Variants in ANKRD11 observed in about 807,000 individuals in gnomAD.
ANKRD11 encodes the protein ankyrin repeat domain-containing protein 11.
Under a neutral mutation model 195.7 loss-of-function variants are expected in ANKRD11, and 17 were observed. The observed-to-expected ratio is 0.09, with a 90% CI of 0.06 to 0.13. The LOEUF (loss-of-function observed/expected upper bound fraction) is 0.13, where lower values mean the gene tolerates loss of function less well. Ranked by LOEUF, ANKRD11 falls within the 10% of genes least tolerant of loss-of-function variation. The pLI, the probability that ANKRD11 is intolerant of heterozygous loss-of-function variation, is 1.00. For synonymous variants in ANKRD11, 1,953 were observed against 1,528.1 expected (o/e 1.28, Z -6.49); for missense variants, 3,735 against 3,566.1 (o/e 1.05, Z -1.21).
chr16:89,281,918 T>C lies in ANKRD11; in HGVS notation c.4624A>G (p.Lys1542Glu). The change falls in exon 9 of 13, where the codon AAG becomes GAG. Residue 1542 changes from lysine to glutamate, a missense_variant. Lys to Glu is a moderately conservative substitution (Grantham distance 56). Coordinates refer to ENST00000301030, the MANE Select transcript of ANKRD11 (RefSeq NM_013275.6). The surrounding 1 kb of genome is among the most constrained non-coding windows in gnomAD (Gnocchi z 5.5). ...TTGCTCATCTTCACTGGGTCGCCCT[T>C]TTCTTTCTCTGCACCGTCCTTGAAT... Reference protein sequence around the residue: ...EKFKDGAEKEKGDPVKMSNGN... With the variant: ...EKFKDGAEKEEGDPVKMSNGN... 1 of 1,613,374 alleles carries C rather than the reference T, an allele frequency of 6.2e-7. No individual in the cohort carries two copies. The highest frequency in any genetic ancestry group is 8.5e-7 in the Non-Finnish European group (1 of 1,180,038).
At chr16:89,488,710 A>C (rs943930897) in intron 1 of ANKRD11, among the ~76,000 whole-genome samples, 14 of 152,182 alleles carry the variant, frequency 9.2e-5, no homozygotes, top group African/African-American at 3.4e-4. Context: ...GCTAAGTCTC[A>C]ACATCCCAAA....
chr16:89,308,319 A>G (rs1384000801), intron 3 of ANKRD11, among the ~76,000 whole-genome samples: 1 of 152,246 alleles, frequency 6.6e-6, no homozygotes. Flanking sequence ...ACAGCTACAG[A>G]AAAGGCCTGG....
intron 1 of ANKRD11, among the ~76,000 whole-genome samples, chr16:89,435,052 G>T (rs764872129): frequency 1.3e-5 from 2 of 152,166 alleles, no homozygotes; most frequent in Non-Finnish European, 2.9e-5. Flanking sequence ...CTTCTGGGTC[G>T]GGTGGGGACT....
At chr16:89,335,271 G>A (rs531871078) in intron 2 of ANKRD11, among the ~76,000 whole-genome samples, 3 of 152,278 alleles carry the variant, frequency 2.0e-5, no homozygotes, top group South Asian at 4.1e-4. Flanking sequence ...GTTCCCAGAA[G>A]AGGCCAGTGC....
intron 2 of ANKRD11, among the ~76,000 whole-genome samples, chr16:89,379,574 G>A (rs1193144097): frequency 1.3e-5 from 2 of 152,200 alleles, no homozygotes; most frequent in Non-Finnish European, 2.9e-5. Context: ...AACCTCCTGG[G>A]CTCAAGTGAC....
intron 11 of ANKRD11, among the ~76,000 whole-genome samples, chr16:89,273,975 G>C (rs1022125625): frequency 6.6e-6 from 1 of 152,196 alleles, no homozygotes; most frequent in Non-Finnish European, 1.5e-5. Context: ...ACAGGATGTG[G>C]GGCCTGGGGT....
chr16:89,418,276 G>C lies in ANKRD11; in HGVS notation c.-60+8C>G, dbSNP rs1350888534. ...CATAAATTGATAGAGAATGCAGTGA[G>C]TATTTACCGATTCCATAGCTGAAAG... On this transcript the variant is annotated splice_region_variant and intron_variant, in intron 2 of 12. Coordinates refer to ENST00000301030, the MANE Select transcript of ANKRD11 (RefSeq NM_013275.6). 1 of 454,048 alleles carries C rather than the reference G, an allele frequency of 2.2e-6. No homozygotes were observed. Among genetic ancestry groups the C allele is most frequent in the Non-Finnish European group, 4.4e-6 (1 of 226,728 alleles). The allele number at this position is 454,048 out of a possible 1,614,324, so 28.1% of individuals were successfully genotyped here.
intron 1 of ANKRD11, among the ~76,000 whole-genome samples, chr16:89,425,964 A>C (rs767328124): frequency 1.3e-5 from 2 of 152,224 alleles, no homozygotes; most frequent in Non-Finnish European, 2.9e-5. Flanking sequence ...AAAGTGGATG[A>C]ATGCAGAACG....
chr16:89,477,750 T>C (rs2057305861), intron 1 of ANKRD11, among the ~76,000 whole-genome samples: 1 of 150,160 alleles, frequency 6.7e-6, no homozygotes, highest in African/African-American at 2.4e-5. Flanking sequence ...AGCAGGTACA[T>C]CACCTGAGGT....
chr16:89,293,738 G>C (rs919040663), intron 4 of ANKRD11, among the ~76,000 whole-genome samples: 1 of 151,130 alleles, frequency 6.6e-6, no homozygotes, highest in African/African-American at 2.4e-5. Context: ...GGGCTGCGGA[G>C]GGAGGAGCTG....
At chr16:89,369,938 G>A (rs969808077) in intron 2 of ANKRD11, among the ~76,000 whole-genome samples, 7 of 152,112 alleles carry the variant, frequency 4.6e-5, no homozygotes, top group Non-Finnish European at 8.8e-5. Flanking sequence ...AACCAAACAC[G>A]GGGGGCCCAG....
chr16:89,286,250 A>AT, intron 7 of ANKRD11, 64 bp from the exon 8 acceptor site: 1 of 1,596,940 alleles, frequency 6.3e-7, no homozygotes, highest in Non-Finnish European at 8.5e-7. Flanking sequence ...ACCGTTCCGC[A>AT]TAACACGGCA....
Position 89,304,603 on chromosome 16 carries a change from CACACACGGGCAT to C in ANKRD11, c.226+591_226+602del, listed in dbSNP as rs912082217. The stretch of plus-strand genomic sequence containing the variant: ...ATACAAGTACATACACACACGGGCA[CACACACGGGCAT>C]ACATACAGGCACACACATGAGGGCA... On this transcript the variant is annotated intron_variant, in intron 4 of 12. Coordinates refer to ENST00000301030, the MANE Select transcript of ANKRD11 (RefSeq NM_013275.6). Among the ~76,000 whole-genome samples the C allele has an allele frequency of 9.9e-5, 15 of 151,274 alleles. No homozygotes were observed. In the South Asian group the frequency reaches 1.9e-3, roughly 19 times the overall value.
chr16:89,399,624 C>T (rs1402341674), intron 2 of ANKRD11, among the ~76,000 whole-genome samples: 1 of 152,156 alleles, frequency 6.6e-6, no homozygotes, highest in African/African-American at 2.4e-5. Flanking sequence ...ATAGACTGCA[C>T]AGCACCCGGT....
intron 1 of ANKRD11, among the ~76,000 whole-genome samples, chr16:89,442,352 T>C: frequency 6.6e-6 from 1 of 152,346 alleles, no homozygotes; most frequent in Non-Finnish European, 1.5e-5. Context: ...AGGGATGCAG[T>C]AGAGCTTCTC....
rs554457066 is a variant in ANKRD11, at chr16:89,316,772, A to G, written c.87+161T>C. ...ACAAAAAAAGCAAGGCCACTTTGGG[A>G]AAGATCACTCCTCACCACCCTCTCC... On this transcript the variant is annotated intron_variant, in intron 3 of 12. Coordinates refer to ENST00000301030, the MANE Select transcript of ANKRD11 (RefSeq NM_013275.6). Among the ~76,000 whole-genome samples, 29 of 152,342 alleles carry G rather than the reference A, an allele frequency of 1.9e-4. No individual in the cohort carries two copies. The South Asian group carries it at 5.8e-3, about 30-fold the overall frequency.
intron 2 of ANKRD11, among the ~76,000 whole-genome samples, chr16:89,347,865 C>G (rs749142680): frequency 5.9e-5 from 9 of 152,044 alleles, no homozygotes; most frequent in African/African-American, 2.2e-4. Flanking sequence ...TCAGAACGTC[C>G]TCCATCAGAC....
intron 1 of ANKRD11, among the ~76,000 whole-genome samples, chr16:89,430,811 A>G (rs1403174626): frequency 6.6e-6 from 1 of 152,174 alleles, no homozygotes; most frequent in Non-Finnish European, 1.5e-5. Context: ...TCTTAAGACA[A>G]AAGGGAGTTT....
At chr16:89,488,351 G>C (rs574383962) in intron 1 of ANKRD11, among the ~76,000 whole-genome samples, 5 of 151,684 alleles carry the variant, frequency 3.3e-5, no homozygotes, top group Non-Finnish European at 5.9e-5. Flanking sequence ...AGAAAGAGGA[G>C]AACAACAGCT....
Sources: allele counts gnomAD v4.1 joint callset (sites outside exome capture counted in the v4.1 genomes callset), GRCh38; gene constraint gnomAD v4.1.1; non-coding constraint Gnocchi (gnomAD v3.1); transcripts MANE v1.5; gene names NCBI Gene and HGNC (gene_info 2026-07-23, HGNC 2026-07-21).